Variants in STARD9 observed in about 807,000 individuals in gnomAD.
STARD9 encodes stAR-related lipid transfer protein 9.
STARD9 carries 346 observed loss-of-function variants against 399.8 expected under a neutral mutation model. The observed-to-expected ratio is 0.87, with a 90% CI of 0.79 to 0.95. The LOEUF (loss-of-function observed/expected upper bound fraction) is 0.95, where lower values mean the gene tolerates loss of function less well. Among genes scored for constraint, STARD9 ranks in the 40% least tolerant of loss-of-function variants. The pLI, the probability that STARD9 is intolerant of heterozygous loss-of-function variation, is 0.00. For missense variants in STARD9, 5,832 were observed against 5,667.5 expected (o/e 1.03, Z -0.93); for synonymous variants, 2,203 against 2,143.5 (o/e 1.03, Z -0.77).
intron 26 of STARD9, among the ~76,000 whole-genome samples, chr15:42,715,776 G>C (rs986607524): frequency 2.6e-5 from 4 of 152,130 alleles, no homozygotes; most frequent in Admixed American, 6.5e-5. Context: ...CCAAAGTGTT[G>C]GGATTACAGG....
intron 20 of STARD9, among the ~76,000 whole-genome samples, chr15:42,677,137 G>A (rs1194852484): frequency 7.0e-6 from 1 of 143,394 alleles, no homozygotes; most frequent in African/African-American, 2.6e-5. Flanking sequence ...GGTAGCACAT[G>A]CCTGTAGTCC....
At chr15:42,681,691 C>G (rs2060431771) in intron 21 of STARD9, 79 bp downstream of exon 21, 4 of 1,284,020 alleles carry the variant, frequency 3.1e-6, no homozygotes, top group Non-Finnish European at 3.1e-6. Flanking sequence ...TCTGTATTCT[C>G]TCTTTTGTTT....
rs2061413901 is a variant in STARD9 at position 42,719,516 on chromosome 15, C to A, written c.14045C>A (p.Ser4682Tyr). Residue 4682 changes from serine (S) to tyrosine (Y), a missense_variant, in exon 33 of 33, where the codon TCT becomes TAT. By Grantham distance (144) the Ser-to-Tyr change is moderately radical (BLOSUM62 -2). Around this residue, in one of 2 missense-constraint regions of STARD9, gnomAD observed 5,828 missense variants for 5,651.1 expected, o/e 1.03. Coordinates refer to ENST00000290607, the MANE Select transcript of STARD9 (RefSeq NM_020759.3). ...APGFPPQLLS[S>Y]FIKRQPLVIA... ...GGCTTCCCACCTCAGCTCCTGAGCT[C>A]TTTCATCAAACGGCAGCCACTGGTT... The A allele has an allele frequency of 2.0e-6, 3 of 1,537,120 alleles. No homozygotes were observed. The highest frequency in any genetic ancestry group is 2.6e-6 in the Non-Finnish European group (3 of 1,146,900).
intron 1 of STARD9, chr15:42,581,301 C>A: frequency 8.4e-7 from 1 of 1,192,454 alleles, no homozygotes; most frequent in East Asian, 2.4e-5. Context: ...GGAAGAACTG[C>A]GAAGATCCAA....
chr15:42,685,942 A>G lies in STARD9; in HGVS notation c.4364A>G (p.Glu1455Gly). ...IPDMTQQGSS[E>G]ASHNSSVSNV... is the part of the protein sequence containing the mutation. The stretch of plus-strand genomic sequence containing the variant: ...GACATGACCCAGCAGGGCAGCTCTG[A>G]AGCATCCCACAATTCTAGCGTATCA... The change falls in exon 23 of 33, where the codon GAA becomes GGA. Residue 1455 changes from glutamate to glycine, a missense_variant. Around this residue, in one of 2 missense-constraint regions of STARD9, gnomAD observed 5,828 missense variants for 5,651.1 expected, o/e 1.03. Transcript: ENST00000290607. The G allele has an allele frequency of 6.5e-7, 1 of 1,537,180 alleles. No individual in the cohort carries two copies. Among genetic ancestry groups the G allele is most frequent in the Admixed American group, 2.0e-5 (1 of 51,008 alleles).
chr15:42,592,204 C>T (rs1374978197), intron 3 of STARD9, among the ~76,000 whole-genome samples: 1 of 152,134 alleles, frequency 6.6e-6, no homozygotes, highest in Non-Finnish European at 1.5e-5. Context: ...CAAAGTTACA[C>T]AGTAAGATGT....
At chr15:42,577,222 C>T (rs1331136473) in intron 1 of STARD9, among the ~76,000 whole-genome samples, 5 of 151,868 alleles carry the variant, frequency 3.3e-5, no homozygotes, top group Admixed American at 2.6e-4. Context: ...GGCGCGATCT[C>T]GGCTCACTGC....
intron 26 of STARD9, among the ~76,000 whole-genome samples, chr15:42,699,689 G>A (rs61122145): frequency 0.15 from 22,583 of 151,542 alleles, 1,966 homozygotes; most frequent in South Asian, 0.25. Flanking sequence ...CACCGTGCCT[G>A]GCTAACTTTT....
chr15:42,613,502 A>G (rs2058894999), intron 3 of STARD9, among the ~76,000 whole-genome samples: 1 of 152,204 alleles, frequency 6.6e-6, no homozygotes, highest in African/African-American at 2.4e-5. Context: ...AATCCTGAGC[A>G]AGTCCATTTA....
chr15:42,616,788 G>A (rs1363618594), intron 3 of STARD9, among the ~76,000 whole-genome samples: 1 of 151,536 alleles, frequency 6.6e-6, no homozygotes, highest in Non-Finnish European at 1.5e-5. Context: ...CTACTCGGGA[G>A]GCTGAGGCAG....
rs187716056 is a variant in STARD9, at chr15:42,638,610, C to T, written c.447-90C>T. 21 of 836,666 alleles carry T rather than the reference C, an allele frequency of 2.5e-5. No homozygotes were observed. In the African/African-American group the frequency reaches 2.6e-4, roughly 10 times the overall value. The allele number at this position is 836,666 out of a possible 1,614,324, so 51.8% of individuals were successfully genotyped here. A position where few individuals can be genotyped will look rare whatever the true frequency, so the allele number is the denominator to read the frequency against. On this transcript the variant is annotated intron_variant, in intron 6 of 32. Transcript: ENST00000290607. ...TAGAGTGTCAGAAGTGGAGCTGGAACAAGAACTAAGACCTCCTGATTTTTA... is the reference window on the plus strand; with the variant it reads ...TAGAGTGTCAGAAGTGGAGCTGGAATAAGAACTAAGACCTCCTGATTTTTA...
In STARD9 at chr15:42,718,079, T is replaced by G; in HGVS notation, c.13662T>G (p.Arg4554=). ...GTGTGGTGTCCCAGCCGCTGTCTCG[T>G]GTGTGGGCGGCTGTCAGTGACCCCA... ...GAGVVSQPLS[R]VWAAVSDPTV... is the part of the protein sequence containing the mutation. The change falls in exon 30 of 33, where the codon CGT becomes CGG. Residue 4554 remains arginine (R), a synonymous_variant. Transcript: ENST00000290607. 1 of 1,537,186 alleles carries G rather than the reference T, an allele frequency of 6.5e-7. No individual in the cohort carries two copies. Among genetic ancestry groups the G allele is most frequent in the Non-Finnish European group, 8.7e-7 (1 of 1,146,876 alleles).
chr15:42,674,123 C>G (rs1031306600), intron 16 of STARD9, among the ~76,000 whole-genome samples: 1 of 152,228 alleles, frequency 6.6e-6, no homozygotes, highest in Non-Finnish European at 1.5e-5. Flanking sequence ...ATGGCTGTAA[C>G]TATTCCCTAA....
chr15:42,630,683 C>A (rs868378207), intron 3 of STARD9, among the ~76,000 whole-genome samples: 1 of 152,018 alleles, frequency 6.6e-6, no homozygotes, highest in Non-Finnish European at 1.5e-5. Context: ...GGAATTTATC[C>A]ATTTCTTTCT....
intron 15 of STARD9, among the ~76,000 whole-genome samples, chr15:42,666,170 G>A (rs1172183300): frequency 6.6e-6 from 1 of 152,214 alleles, no homozygotes; most frequent in Non-Finnish European, 1.5e-5. Context: ...TAGGTGCTCA[G>A]CATGATGCTG....
chr15:42,704,561 C>T (rs980054386), intron 26 of STARD9, among the ~76,000 whole-genome samples: 2 of 152,166 alleles, frequency 1.3e-5, no homozygotes, highest in African/African-American at 4.8e-5. Context: ...AGCCTGTGGT[C>T]ACTGTAGCCA....
Position 42,691,434 on chromosome 15 carries a change from C to T in STARD9, c.9856C>T (p.Gln3286Ter). The change falls in exon 23 of 33, where the codon CAG becomes TAG. Residue 3286 changes from glutamine (Q) to a stop codon, truncating the protein, a stop_gained. Transcript: ENST00000290607. LOFTEE classifies it high-confidence loss of function. ...AAATGAAACACCGCAGCCTGCTGCTCAGAGGAGTGGCCACCTCTACACTGG... is the reference window on the plus strand; with the variant it reads ...AAATGAAACACCGCAGCCTGCTGCTTAGAGGAGTGGCCACCTCTACACTGG... The part of the protein sequence containing the change: ...RQNETPQPAA[Q>*]RSGHLYTGRE... The T allele has an allele frequency of 2.6e-6, 4 of 1,537,204 alleles. No homozygotes were observed. The highest frequency in any genetic ancestry group is 3.5e-6 in the Non-Finnish European group (4 of 1,146,892).
chr15:42,691,519 G>GC lies in STARD9; in HGVS notation c.9945dup (p.Lys3316GlnfsTer41). On this transcript the variant is annotated frameshift_variant, in exon 23 of 33. Transcript: ENST00000290607. LOFTEE classifies it high-confidence loss of function. ...CTTCCTGTGACTACAATCTTCTCTG[G>GC]CCCCAAACACTCCAGGTCCTCCCCC... The GC allele has an allele frequency of 6.5e-7, 1 of 1,537,206 alleles. No individual in the cohort carries two copies. Among genetic ancestry groups the GC allele is most frequent in the Non-Finnish European group, 8.7e-7 (1 of 1,146,902 alleles).
intron 26 of STARD9, among the ~76,000 whole-genome samples, chr15:42,698,751 C>T (rs994537359): frequency 6.6e-6 from 1 of 152,064 alleles, no homozygotes; most frequent in African/African-American, 2.4e-5. Context: ...TCTTCTAGAA[C>T]TTCTGTGGTT....
Sources: allele counts gnomAD v4.1 joint callset (sites outside exome capture counted in the v4.1 genomes callset), GRCh38; gene constraint gnomAD v4.1.1; regional missense constraint gnomAD v4.1.1; transcripts MANE v1.5; gene names NCBI Gene and HGNC (gene_info 2026-07-23, HGNC 2026-07-21).